TENM4: variants seen among roughly 807,000 people sequenced by gnomAD.
TENM4 encodes teneurin transmembrane protein 4.
A neutral mutation model predicts 243.3 loss-of-function variants in TENM4; 82 were observed. The observed-to-expected ratio is 0.34, with a 90% CI of 0.28 to 0.40. The LOEUF is 0.40. TENM4 is among the 10% of genes least tolerant of loss of function. The probability of loss-of-function intolerance (pLI) is 1.00; values close to 1 mark genes in which losing one functional copy is unlikely to be tolerated. For synonymous variants in TENM4, 1,412 were observed against 1,456.3 expected, an observed-to-expected ratio of 0.97 and a Z score of 0.69; for missense variants, 3,138 against 3,673.3, an observed-to-expected ratio of 0.85 and a Z score of 3.77.
chr11:79,225,055 A>G (rs1170280986), intron 2 of TENM4, among the ~76,000 whole-genome samples: 1 of 152,200 alleles, frequency 6.6e-6, no homozygotes, highest in Non-Finnish European at 1.5e-5. Context: ...CCAAAGAAAC[A>G]GCAGAAAGAA....
chr11:78,973,669 C>T (rs1315418010), intron 6 of TENM4, among the ~76,000 whole-genome samples: 1 of 151,790 alleles, frequency 6.6e-6, no homozygotes, highest in African/African-American at 2.4e-5. Context: ...TGAAAGAAAA[C>T]ATCAATGAAC....
At chr11:79,138,334 A>ATATATTATG (rs1862156935) in intron 4 of TENM4, among the ~76,000 whole-genome samples, 1 of 122,758 alleles carries the variant, frequency 8.1e-6, no homozygotes, top group African/African-American at 3.2e-5. Flanking sequence ...TATATATTAT[A>ATATATTATG]TATATAATAT....
intron 5 of TENM4, among the ~76,000 whole-genome samples, chr11:79,066,836 A>AGTC (rs1295920010): frequency 6.6e-6 from 1 of 152,196 alleles, no homozygotes; most frequent in African/African-American, 2.4e-5. Context: ...CGGGGAGGAG[A>AGTC]GACCAGCTGG....
At position 78,670,565 on chromosome 11, in the gene TENM4, A is replaced by T. The variant is rs748319341; in HGVS notation, c.5794-14T>A. 11 of 1,588,272 alleles carry T rather than the reference A, an allele frequency of 6.9e-6. No individual in the cohort carries two copies. Among genetic ancestry groups the T allele is most frequent in the Non-Finnish European group, 8.6e-6 (10 of 1,166,392 alleles). ...CAGCACCATGGACTGGAGGGAGAGG[A>T]AAACCAAGAGATGAGAGGAGGGTGG... On this transcript the variant is annotated splice_polypyrimidine_tract_variant and intron_variant, in intron 31 of 33. Transcript: ENST00000278550.
At chr11:79,335,446 T>C (rs1052481680) in intron 1 of TENM4, among the ~76,000 whole-genome samples, 5 of 152,230 alleles carry the variant, frequency 3.3e-5, no homozygotes, top group Admixed American at 2.0e-4. Flanking sequence ...AGACATAAAC[T>C]AAGAAATGGC....
At chr11:79,390,251 C>T (rs1327585257) in intron 1 of TENM4, among the ~76,000 whole-genome samples, 1 of 152,200 alleles carries the variant, frequency 6.6e-6, no homozygotes, top group Non-Finnish European at 1.5e-5. Context: ...CACCAAAGAC[C>T]AGACAGAGCC....
At chr11:78,753,822 G>A (rs1409345139) in intron 19 of TENM4, among the ~76,000 whole-genome samples, 1 of 152,054 alleles carries the variant, frequency 6.6e-6, no homozygotes, top group Non-Finnish European at 1.5e-5. Flanking sequence ...TACAGGTTTG[G>A]AGAGATGAAT....
chr11:79,098,521 T>C (rs1022078264), intron 4 of TENM4, among the ~76,000 whole-genome samples: 1 of 152,176 alleles, frequency 6.6e-6, no homozygotes, highest in African/African-American at 2.4e-5. Flanking sequence ...ACCTCTCTCC[T>C]GAGGAGGACT....
intron 12 of TENM4, among the ~76,000 whole-genome samples, chr11:78,839,147 C>T (rs1346079731): frequency 6.6e-6 from 1 of 152,194 alleles, no homozygotes; most frequent in Non-Finnish European, 1.5e-5. Context: ...TTCTTCCATA[C>T]TTTCATCTGT....
chr11:79,012,458 T>C (rs586316), intron 6 of TENM4, among the ~76,000 whole-genome samples: 74,268 of 151,906 alleles, frequency 0.49, 18,881 homozygotes, highest in Middle Eastern at 0.56. Context: ...TCATTTGATC[T>C]TTGTAATAAC....
At chr11:79,114,502 T>C in intron 4 of TENM4, among the ~76,000 whole-genome samples, 1 of 152,242 alleles carries the variant, frequency 6.6e-6, no homozygotes, top group Non-Finnish European at 1.5e-5. Context: ...TTTTATTTTC[T>C]ACATGACAAA....
intron 2 of TENM4, among the ~76,000 whole-genome samples, chr11:79,227,903 T>G (rs1170902430): frequency 6.6e-6 from 1 of 152,178 alleles, no homozygotes; most frequent in Non-Finnish European, 1.5e-5. Context: ...GGGATGTGAC[T>G]TTCTTTAGTC....
At chr11:78,734,148 C>T (rs941295247) in intron 20 of TENM4, among the ~76,000 whole-genome samples, 3 of 152,054 alleles carry the variant, frequency 2.0e-5, no homozygotes, top group Non-Finnish European at 2.9e-5. Context: ...GTTGAGATTG[C>T]ACCACTGCAC....
Position 78,903,360 on chromosome 11 carries a change from C to T in TENM4, c.657G>A (p.Ser219=), listed in dbSNP as rs1282267918. 1.8e-5 allele frequency: 27 copies of T among 1,496,510 alleles called. No homozygotes were observed. Among genetic ancestry groups the T allele is most frequent in the Non-Finnish European group, 2.3e-5 (26 of 1,123,410 alleles). 92.7% of individuals were successfully genotyped at this position (1,496,510 alleles called of 1,614,324 possible). The change falls in exon 7 of 34, where the codon TCG becomes TCA. Residue 219 remains serine (S), a synonymous_variant. Coordinates refer to ENST00000278550, the MANE Select transcript of TENM4 (RefSeq NM_001098816.3). ...CGCCGGCAGGGGGCTCTCCGGAGAG[C>T]GAGTGGTCCGTGGGGGCCGGGCTGG... The part of the protein sequence containing the change: ...SNPSPAPTDH[S]LSGEPPAGGA...
At chr11:79,409,060 TTGTGTGTGTGTGTGTGTGTG>T (rs559211499) in intron 1 of TENM4, among the ~76,000 whole-genome samples, 1 of 141,938 alleles carries the variant, frequency 7.0e-6, no homozygotes, top group African/African-American at 2.7e-5. Flanking sequence ...GAGGGATATT[TTGTGTGTGTGTGTGTGTGTG>T]TGTGTGTGTG....
intron 6 of TENM4, among the ~76,000 whole-genome samples, chr11:78,951,845 C>T (rs1857114577): frequency 6.6e-6 from 1 of 152,168 alleles, no homozygotes. Context: ...ATGGTGAACA[C>T]AATTCAGTCC....
At chr11:78,970,035 A>C (rs1328328514) in intron 6 of TENM4, among the ~76,000 whole-genome samples, 3 of 152,256 alleles carry the variant, frequency 2.0e-5, no homozygotes, top group African/African-American at 7.2e-5. Context: ...TAGGGCATTC[A>C]GTTGCTTCAC....
intron 3 of TENM4, among the ~76,000 whole-genome samples, chr11:79,156,607 G>C (rs576997328): frequency 6.6e-6 from 1 of 152,086 alleles, no homozygotes; most frequent in Non-Finnish European, 1.5e-5. Context: ...CTCACCCTCT[G>C]TCTAGATCAG....
At chr11:79,022,367 T>G (rs1171138977) in intron 6 of TENM4, among the ~76,000 whole-genome samples, 3 of 152,114 alleles carry the variant, frequency 2.0e-5, no homozygotes. Context: ...CAGCTGTTCA[T>G]CCACAGACCT....
Sources: gnomAD v4.1 joint callset for allele counts (sites outside exome capture counted in the v4.1 genomes callset) on GRCh38, gnomAD v4.1.1 for gene constraint, MANE v1.5 for transcripts, NCBI Gene and HGNC (gene_info 2026-07-23, HGNC 2026-07-21) for gene names.